The following SYT14 variants were observed in gnomAD, a reference collection of about 807,000 sequenced individuals.
SYT14 encodes the protein synaptotagmin 14, also known as synaptotagmin-14.
Under a neutral mutation model 74.2 loss-of-function variants are expected in SYT14, and 32 were observed. The observed-to-expected ratio is 0.43, with a 90% CI of 0.33 to 0.58. The LOEUF (loss-of-function observed/expected upper bound fraction) is 0.58, where lower values mean the gene tolerates loss of function less well. Ranked by LOEUF, SYT14 falls within the 20% of genes least tolerant of loss-of-function variation. SYT14 has a pLI of 0.05. For synonymous variants in SYT14, 298 were observed against 337.7 expected (o/e 0.88, Z 1.29); for missense variants, 791 against 981.8 (o/e 0.81, Z 2.60).
chr1:210,073,091 C>T (rs1289128822), intron 5 of SYT14, among the ~76,000 whole-genome samples: 1 of 151,092 alleles, frequency 6.6e-6, no homozygotes, highest in East Asian at 1.9e-4. Flanking sequence ...AATTCTGGTG[C>T]AGCTGTGATT....
chr1:209,958,889 A>G (rs2079032221), intron 2 of SYT14, among the ~76,000 whole-genome samples: 1 of 152,190 alleles, frequency 6.6e-6, no homozygotes, highest in African/African-American at 2.4e-5. Flanking sequence ...TGCTTGACTA[A>G]GCATGATCTT....
At chr1:210,017,938 A>G (rs1407075204) in intron 4 of SYT14, among the ~76,000 whole-genome samples, 1 of 152,202 alleles carries the variant, frequency 6.6e-6, no homozygotes, top group Non-Finnish European at 1.5e-5. Context: ...GTAAAATAAC[A>G]AAAAGCAGAA....
chr1:210,034,442 C>T (rs1487713355), intron 5 of SYT14, among the ~76,000 whole-genome samples: 1 of 151,250 alleles, frequency 6.6e-6, no homozygotes, highest in Non-Finnish European at 1.5e-5. Flanking sequence ...AATATATATA[C>T]ATATATTTTT....
chr1:210,086,321 G>A (rs375473555), intron 5 of SYT14, among the ~76,000 whole-genome samples: 6 of 152,054 alleles, frequency 3.9e-5, no homozygotes, highest in Non-Finnish European at 7.4e-5. Context: ...GTGTAACTAC[G>A]TACATATCCC....
In SYT14 at chr1:210,129,543, T is replaced by A. The variant is rs143940793; in HGVS notation, c.2035-26178T>A. Among the ~76,000 whole-genome samples the A allele has an allele frequency of 3.9e-3, 592 of 152,314 alleles. 2 individuals are homozygous for A. The highest frequency in any genetic ancestry group is 0.013 in the African/African-American group (539 of 41,570). On this transcript the variant is annotated intron_variant, in intron 7 of 9. Transcript: ENST00000637265. The stretch of plus-strand genomic sequence containing the variant: ...TGGTACCACCACTAAAAGGAAGTGA[T>A]GAATGGATGCTAGGGACATAACCAG...
chr1:209,938,674 CTTTTCTT>C (rs1264993471), intron 1 of SYT14, among the ~76,000 whole-genome samples: 2 of 152,136 alleles, frequency 1.3e-5, no homozygotes, highest in Admixed American at 1.3e-4. Flanking sequence ...GCTGCCCTTT[CTTTTCTT>C]TCCCCGGCCG....
At chr1:210,113,548 G>T (rs528839991) in intron 7 of SYT14, among the ~76,000 whole-genome samples, 2 of 151,314 alleles carry the variant, frequency 1.3e-5, no homozygotes, top group South Asian at 4.1e-4. Flanking sequence ...AGCATACTGT[G>T]GGATGGGATA....
chr1:210,077,600 TA>T (rs1376459609), intron 5 of SYT14, among the ~76,000 whole-genome samples: 1 of 152,226 alleles, frequency 6.6e-6, no homozygotes, highest in Non-Finnish European at 1.5e-5. Context: ...CTCCTTTGAG[TA>T]AATACAAATG....
At chr1:209,944,651 T>C (rs2078793110) in intron 1 of SYT14, among the ~76,000 whole-genome samples, 1 of 152,172 alleles carries the variant, frequency 6.6e-6, no homozygotes, top group Non-Finnish European at 1.5e-5. Context: ...TTTCAGACTA[T>C]TTTAATTCTA....
intron 5 of SYT14, among the ~76,000 whole-genome samples, chr1:210,054,241 A>C (rs569525845): frequency 6.6e-6 from 1 of 152,288 alleles, no homozygotes; most frequent in African/African-American, 2.4e-5. Context: ...GATGTAAAAA[A>C]AAATTGAATC....
intron 7 of SYT14, among the ~76,000 whole-genome samples, chr1:210,101,552 T>C (rs2082065993): frequency 6.6e-6 from 1 of 152,112 alleles, no homozygotes; most frequent in Non-Finnish European, 1.5e-5. Context: ...TATGGGTTTC[T>C]AGGATAAGAC....
chr1:209,998,106 A>G (rs2079831103), intron 2 of SYT14, among the ~76,000 whole-genome samples: 1 of 152,060 alleles, frequency 6.6e-6, no homozygotes, highest in South Asian at 2.1e-4. Context: ...AGTATTAATC[A>G]TTTTTATTTC....
chr1:210,054,323 A>G (rs2081056599), intron 5 of SYT14, among the ~76,000 whole-genome samples: 1 of 152,154 alleles, frequency 6.6e-6, no homozygotes, highest in Admixed American at 6.6e-5. Flanking sequence ...TGAAAAGCCT[A>G]GTTTCCTCCC....
intron 5 of SYT14, among the ~76,000 whole-genome samples, chr1:210,089,400 T>G (rs2081815868): frequency 6.6e-6 from 1 of 152,212 alleles, no homozygotes; most frequent in Non-Finnish European, 1.5e-5. Flanking sequence ...TACCCAGTAA[T>G]GGGATTGCTG....
At position 210,100,381 on chromosome 1, in the gene SYT14, A is replaced by T; in HGVS notation, c.1954A>T (p.Lys652Ter). 2 of 1,613,776 alleles carry T rather than the reference A, an allele frequency of 1.2e-6. No homozygotes were observed. Among genetic ancestry groups the T allele is most frequent in the Non-Finnish European group, 1.7e-6 (2 of 1,179,990 alleles). The change falls in exon 7 of 10, where the codon AAG becomes TAG. Residue 652 changes from lysine (K) to a stop codon, truncating the protein, a stop_gained. Transcript: ENST00000637265. LOFTEE classifies it high-confidence loss of function. ...GAAAAAAGAAAAGATTGTGGGGGAA[A>T]AGATTTTTTATTTAACAAAATTGAA...
At chr1:210,039,731 A>G (rs1293238396) in intron 5 of SYT14, among the ~76,000 whole-genome samples, 1 of 152,226 alleles carries the variant, frequency 6.6e-6, no homozygotes, top group Non-Finnish European at 1.5e-5. Context: ...ATATGAACAG[A>G]CACTTCTCAA....
chr1:210,139,090 AT>A (rs11365249), intron 7 of SYT14, among the ~76,000 whole-genome samples: 95,573 of 135,066 alleles, frequency 0.71, 33,578 homozygotes, highest in East Asian at 0.85. Flanking sequence ...GAGTACTTTT[AT>A]TTTTTTTTTT....
At chr1:210,090,366 C>T (rs1395057613) in intron 5 of SYT14, among the ~76,000 whole-genome samples, 6 of 124,444 alleles carry the variant, frequency 4.8e-5, no homozygotes, top group South Asian at 2.3e-4. Flanking sequence ...TCCACAGGCA[C>T]TTGAAAAAAA....
exon 10 of SYT14, chr1:210,164,182 A>G: frequency 2.8e-6 from 1 of 358,812 alleles, no homozygotes; most frequent in Non-Finnish European, 5.5e-6. Flanking sequence ...CTTCAGTACA[A>G]TCCACTTTTG....
Sources: gnomAD v4.1 joint callset for allele counts (sites outside exome capture counted in the v4.1 genomes callset) on GRCh38, gnomAD v4.1.1 for gene constraint, MANE v1.5 for transcripts, NCBI Gene and HGNC (gene_info 2026-07-23, HGNC 2026-07-21) for gene names.